MCC: variants seen among roughly 807,000 people sequenced by gnomAD.
The protein encoded by MCC is MCC regulator of Wnt signaling pathway.
MCC carries 90 observed loss-of-function variants against 116.2 expected under a neutral mutation model. That is an observed-to-expected ratio of 0.77 (90% CI 0.65 to 0.92). The LOEUF (loss-of-function observed/expected upper bound fraction) is 0.92, where lower values mean the gene tolerates loss of function less well. Ranked by LOEUF, MCC falls within the 40% of genes least tolerant of loss-of-function variation. The pLI is 0.00. For synonymous variants in MCC, 578 were observed against 510.5 expected, an observed-to-expected ratio of 1.13 and a Z score of -1.78; for missense variants, 1,516 against 1,312.2, an observed-to-expected ratio of 1.16 and a Z score of -2.40.
At chr5:113,372,905 G>A (rs906560096) in intron 2 of MCC, among the ~76,000 whole-genome samples, 7 of 152,074 alleles carry the variant, frequency 4.6e-5, no homozygotes, top group Admixed American at 1.3e-4. Flanking sequence ...CTGTCCGGGC[G>A]TGGTGGCTCA....
chr5:113,402,003 AC>A (rs1769700775), intron 1 of MCC, among the ~76,000 whole-genome samples: 1 of 151,646 alleles, frequency 6.6e-6, no homozygotes, highest in African/African-American at 2.4e-5. Context: ...GGGCACAAAA[AC>A]ACACTCAGGG....
intron 11 of MCC, among the ~76,000 whole-genome samples, chr5:113,073,782 T>C (rs1754215898): frequency 6.6e-6 from 1 of 152,080 alleles, no homozygotes; most frequent in South Asian, 2.1e-4. Flanking sequence ...CGCTCACTGC[T>C]AGCACAGCAG....
At chr5:113,064,510 A>T (rs1046308635) in intron 13 of MCC, among the ~76,000 whole-genome samples, 2 of 152,208 alleles carry the variant, frequency 1.3e-5, no homozygotes, top group African/African-American at 2.4e-5. Context: ...TTCAGCCACA[A>T]GTCTACCATT....
intron 1 of MCC, among the ~76,000 whole-genome samples, chr5:113,424,713 A>C (rs1166458889): frequency 6.6e-6 from 1 of 152,166 alleles, no homozygotes; most frequent in African/African-American, 2.4e-5. Flanking sequence ...ACTCCATCTC[A>C]AAAAAATTTT....
At chr5:113,230,536 CAGAG>C (rs1445440382) in intron 3 of MCC, among the ~76,000 whole-genome samples, 1 of 152,172 alleles carries the variant, frequency 6.6e-6, no homozygotes, top group East Asian at 1.9e-4. Flanking sequence ...CTTCCTTTAA[CAGAG>C]AGAATTTTTC....
At chr5:113,255,285 A>C (rs1764963936) in intron 3 of MCC, among the ~76,000 whole-genome samples, 1 of 152,234 alleles carries the variant, frequency 6.6e-6, no homozygotes, top group Non-Finnish European at 1.5e-5. Context: ...ATAAATAAAA[A>C]GGCCAAGTCT....
chr5:113,463,505 T>A (rs1242343150), intron 1 of MCC, among the ~76,000 whole-genome samples: 1 of 152,178 alleles, frequency 6.6e-6, no homozygotes, highest in South Asian at 2.1e-4. Flanking sequence ...TGGGAGTTCA[T>A]GGAAAAGGAG....
chr5:113,035,287 CA>C (rs1751256573), intron 17 of MCC, among the ~76,000 whole-genome samples: 1 of 152,192 alleles, frequency 6.6e-6, no homozygotes. Context: ...TGTTCAACAG[CA>C]AACTCTATCT....
intron 11 of MCC, among the ~76,000 whole-genome samples, chr5:113,080,921 T>C (rs571948350): frequency 3.9e-5 from 6 of 152,276 alleles, no homozygotes; most frequent in African/African-American, 1.4e-4. Context: ...ATTTGTTTTC[T>C]CTTTGGTCTA....
chr5:113,085,098 A>G lies in MCC; in HGVS notation c.1545+66T>C, dbSNP rs994948136. 6.2e-6 allele frequency: 10 copies of G among 1,608,956 alleles called. No individual in the cohort carries two copies. In the Admixed American group the frequency reaches 1.7e-4, roughly 27 times the overall value. On this transcript the variant is annotated intron_variant, in intron 9 of 18. Transcript: ENST00000408903. ...AGGGCATGCCTGTACAGTGGCTAGG[A>G]TGAGCCTGGTGCTTCCAGATAACAG...
At chr5:113,241,169 GTCTTT>G (rs564699770) in intron 3 of MCC, among the ~76,000 whole-genome samples, 2 of 152,246 alleles carry the variant, frequency 1.3e-5, no homozygotes, top group African/African-American at 4.8e-5. Flanking sequence ...CTAACTTGCA[GTCTTT>G]TCTTAGGAGT....
rs182487607 is a variant in MCC at position 113,260,345 on chromosome 5, C to T, written c.627+80174G>A. 7.9e-5 allele frequency among the ~76,000 whole-genome samples: 12 copies of T among 152,136 alleles called. No individual in the cohort carries two copies. The South Asian group carries it at 1.5e-3, about 18-fold the overall frequency. ...ATTTACTAAGAATGGTATTGATTTGCGCTTTTGCAAATCTCTTCAATGTCC... is the reference window on the plus strand; with the variant it reads ...ATTTACTAAGAATGGTATTGATTTGTGCTTTTGCAAATCTCTTCAATGTCC... On this transcript the variant is annotated intron_variant, in intron 3 of 18. Transcript: ENST00000408903.
rs1471025657 is a variant in MCC at position 113,434,918 on chromosome 5, A to T, written c.171-49706T>A. The T allele has an allele frequency of 8.6e-6, 13 of 1,514,496 alleles. No homozygotes were observed. The East Asian group carries it at 2.7e-4, about 32-fold the overall frequency. The allele number at this position is 1,514,496 out of a possible 1,614,324, so 93.8% of individuals were successfully genotyped here. On this transcript the variant is annotated intron_variant, in intron 1 of 18. Coordinates refer to ENST00000408903, the MANE Select transcript of MCC (RefSeq NM_001085377.2). The surrounding 1 kb of genome is among the most constrained non-coding windows in gnomAD (Gnocchi z 4.2). ...ATGGGCCAGCAGTGTGCTCATTTACATCCTGGATAGAGAGTCCTTTGGGCT... is the reference window on the plus strand; with the variant it reads ...ATGGGCCAGCAGTGTGCTCATTTACTTCCTGGATAGAGAGTCCTTTGGGCT...
chr5:113,313,289 G>A (rs1047060033), intron 3 of MCC, among the ~76,000 whole-genome samples: 1 of 152,182 alleles, frequency 6.6e-6, no homozygotes, highest in African/African-American at 2.4e-5. Flanking sequence ...GGAGGTTGCA[G>A]TGAGCCAAGA....
At chr5:113,169,839 T>C (rs146816523) in intron 3 of MCC, among the ~76,000 whole-genome samples, 5 of 152,300 alleles carry the variant, frequency 3.3e-5, no homozygotes, top group Admixed American at 2.6e-4. Flanking sequence ...ATTTCTTTAA[T>C]AGTAGCTATT....
At chr5:113,316,512 T>TA (rs1158813786) in intron 3 of MCC, among the ~76,000 whole-genome samples, 1 of 152,238 alleles carries the variant, frequency 6.6e-6, no homozygotes, top group East Asian at 1.9e-4. Context: ...AGCTCATTTA[T>TA]ATTTCTGTCA....
chr5:113,383,668 C>G (rs1476778552), intron 2 of MCC, among the ~76,000 whole-genome samples: 1 of 151,714 alleles, frequency 6.6e-6, no homozygotes, highest in African/African-American at 2.4e-5. Flanking sequence ...TTATAATGAA[C>G]ATATATTACT....
intron 6 of MCC, among the ~76,000 whole-genome samples, chr5:113,107,221 C>CTT (rs1296664436): frequency 2.1e-4 from 20 of 97,152 alleles, no homozygotes; most frequent in East Asian, 2.5e-4. Flanking sequence ...TTTTTTTTTT[C>CTT]TTTTTTTTTT....
chr5:113,056,683 T>C lies in MCC; in HGVS notation c.2214-2724A>G, dbSNP rs115619541. 2.0e-3 allele frequency among the ~76,000 whole-genome samples: 311 copies of C among 152,282 alleles called. 6 individuals are homozygous for C. The highest frequency in any genetic ancestry group is 7.1e-3 in the African/African-American group (294 of 41,540). ...ACAACAAACCTCCATGACATGAGTTTACCTATGTAACAACCGTCCACATGT... is the reference window on the plus strand; with the variant it reads ...ACAACAAACCTCCATGACATGAGTTCACCTATGTAACAACCGTCCACATGT... On this transcript the variant is annotated intron_variant, in intron 14 of 18. Coordinates refer to ENST00000408903, the MANE Select transcript of MCC (RefSeq NM_001085377.2).
Sources: allele counts gnomAD v4.1 joint callset (sites outside exome capture counted in the v4.1 genomes callset), GRCh38; gene constraint gnomAD v4.1.1; non-coding constraint Gnocchi (gnomAD v3.1); transcripts MANE v1.5; gene names NCBI Gene and HGNC (gene_info 2026-07-23, HGNC 2026-07-21).